The following MLLT10 variants were observed in gnomAD, a reference collection of about 807,000 sequenced individuals.
The protein encoded by MLLT10 is protein AF-10.
Under a neutral mutation model 129.1 loss-of-function variants are expected in MLLT10, and 30 were observed. That is an observed-to-expected ratio of 0.23 (90% confidence interval 0.17 to 0.32). The LOEUF (loss-of-function observed/expected upper bound fraction) is 0.32. MLLT10 is among the 10% of genes least tolerant of loss of function. MLLT10 has a pLI of 1.00. For synonymous variants in MLLT10, 490 were observed against 446.4 expected, an observed-to-expected ratio of 1.10 and a Z score of -1.23; for missense variants, 1,119 against 1,268.3, an observed-to-expected ratio of 0.88 and a Z score of 1.79.
chr10:21,600,666 T>G lies in MLLT10; in HGVS notation c.405+5226T>G, dbSNP rs569125599. On this transcript the variant is annotated intron_variant, in intron 5 of 22. Transcript: ENST00000307729. ...CTAGTTACTTAGGTGAGTGCTTAAA[T>G]TGATTTTTCTTTTCTGGAAAATTGA... 2.6e-4 allele frequency among the ~76,000 whole-genome samples: 39 copies of G among 152,334 alleles called. 1 individual carries two copies. The South Asian group carries it at 7.9e-3, about 31-fold the overall frequency.
intron 14 of MLLT10, among the ~76,000 whole-genome samples, chr10:21,716,979 G>A (rs1203338778): frequency 4.0e-5 from 6 of 151,778 alleles, no homozygotes; most frequent in Non-Finnish European, 8.8e-5. Context: ...TCCCTGGGCC[G>A]GGCGCAGTGG....
intron 9 of MLLT10, 85 bp from the exon 10 acceptor site, chr10:21,670,364 C>G: frequency 4.6e-6 from 6 of 1,293,796 alleles, no homozygotes; most frequent in Non-Finnish European, 6.2e-6. Flanking sequence ...TCTGCAAGTT[C>G]TTCTTATTAA....
At chr10:21,568,108 G>A (rs1462156682) in intron 3 of MLLT10, among the ~76,000 whole-genome samples, 5 of 152,252 alleles carry the variant, frequency 3.3e-5, no homozygotes, top group African/African-American at 7.2e-5. Context: ...ATGAGCCACC[G>A]CACCCGGCCT....
At chr10:21,694,240 A>G (rs2054152473) in intron 13 of MLLT10, among the ~76,000 whole-genome samples, 1 of 152,222 alleles carries the variant, frequency 6.6e-6, no homozygotes, top group Non-Finnish European at 1.5e-5. Context: ...ACACTGCTAT[A>G]TTACTACCAT....
chr10:21,691,637 G>C (rs1467754164), intron 13 of MLLT10, among the ~76,000 whole-genome samples: 2 of 151,878 alleles, frequency 1.3e-5, no homozygotes, highest in Non-Finnish European at 2.9e-5. Flanking sequence ...ACTGTAGAGA[G>C]AAAACAAATC....
chr10:21,663,262 A>G (rs1331550540), intron 9 of MLLT10, among the ~76,000 whole-genome samples: 2 of 152,172 alleles, frequency 1.3e-5, no homozygotes, highest in Non-Finnish European at 2.9e-5. Context: ...TGCCTCCAGC[A>G]GTATCAACTA....
intron 21 of MLLT10, chr10:21,738,562 T>G: frequency 7.9e-7 from 1 of 1,268,428 alleles, no homozygotes; most frequent in Non-Finnish European, 1.0e-6. Flanking sequence ...TTAACGTAGG[T>G]GAGGATTTTT....
At chr10:21,659,421 C>A (rs1402145548) in intron 9 of MLLT10, among the ~76,000 whole-genome samples, 1 of 151,824 alleles carries the variant, frequency 6.6e-6, no homozygotes, top group Non-Finnish European at 1.5e-5. Flanking sequence ...AACGTAAAAA[C>A]CAAAGGAAAA....
At chr10:21,716,783 G>A (rs1371807851) in intron 14 of MLLT10, among the ~76,000 whole-genome samples, 1 of 152,010 alleles carries the variant, frequency 6.6e-6, no homozygotes, top group African/African-American at 2.4e-5. Context: ...TAATAATAGT[G>A]ATAGATGATG....
At chr10:21,612,017 A>G (rs1238846848) in intron 5 of MLLT10, among the ~76,000 whole-genome samples, 1 of 152,214 alleles carries the variant, frequency 6.6e-6, no homozygotes. Flanking sequence ...AGTCTTGATG[A>G]CAAGGTGTTG....
At chr10:21,686,900 T>C (rs1053308503) in intron 13 of MLLT10, among the ~76,000 whole-genome samples, 2 of 152,112 alleles carry the variant, frequency 1.3e-5, no homozygotes, top group Non-Finnish European at 2.9e-5. Flanking sequence ...GGAGAATTGC[T>C]TGAACCCAGG....
intron 13 of MLLT10, among the ~76,000 whole-genome samples, chr10:21,689,622 C>T (rs1482424653): frequency 2.9e-5 from 4 of 138,302 alleles, no homozygotes; most frequent in East Asian, 2.2e-4. Flanking sequence ...TATATATACA[C>T]ACACACACAC....
rs368219548 is a variant in MLLT10 at position 21,708,890 on chromosome 10, C to T, written c.1700-4882C>T. Among the ~76,000 whole-genome samples the T allele has an allele frequency of 5.9e-5, 9 of 152,160 alleles. No homozygotes were observed. In the East Asian group the frequency reaches 1.4e-3, roughly 23 times the overall value. On this transcript the variant is annotated intron_variant, in intron 13 of 22. Coordinates refer to ENST00000307729, the MANE Select transcript of MLLT10 (RefSeq NM_001195626.3). ...ATGAAAGCATTAACACCAAAATGGC[C>T]GTAGCTACCATTTATTAAAACTTAC...
At chr10:21,538,682 G>T (rs752240265) in intron 2 of MLLT10, 151 bp from the exon 3 acceptor site, 15 of 543,058 alleles carry the variant, frequency 2.8e-5, no homozygotes, top group Non-Finnish European at 4.6e-5. Flanking sequence ...AGCTGTATAT[G>T]TGATAAATAG....
chr10:21,565,524 G>T (rs1232121112), intron 3 of MLLT10, among the ~76,000 whole-genome samples: 1 of 151,354 alleles, frequency 6.6e-6, no homozygotes, highest in East Asian at 1.9e-4. Flanking sequence ...GACCAAGCTG[G>T]TCTCGAGCTG....
intron 13 of MLLT10, among the ~76,000 whole-genome samples, chr10:21,691,532 A>T (rs1479208009): frequency 1.3e-5 from 2 of 152,160 alleles, no homozygotes; most frequent in Non-Finnish European, 2.9e-5. Context: ...GTGTATCTGA[A>T]AGCTTATAGC....
At chr10:21,565,184 A>G (rs1389758555) in intron 3 of MLLT10, among the ~76,000 whole-genome samples, 1 of 151,904 alleles carries the variant, frequency 6.6e-6, no homozygotes. Context: ...ATGTTAATAT[A>G]GTCACTCCAG....
chr10:21,627,120 TACTC>T (rs1162936038), intron 8 of MLLT10, among the ~76,000 whole-genome samples: 1 of 152,160 alleles, frequency 6.6e-6, no homozygotes, highest in Non-Finnish European at 1.5e-5. Context: ...AATGCTGTAC[TACTC>T]ACTCATTCCA....
chr10:21,557,193 CTGTGTTGT>C (rs2038144673), intron 3 of MLLT10: 1 of 1,280,838 alleles, frequency 7.8e-7, no homozygotes, highest in Admixed American at 3.9e-5. Flanking sequence ...CAAATGCCTA[CTGTGTTGT>C]TATTTTTCCC....
Sources: allele counts gnomAD v4.1 joint callset (sites outside exome capture counted in the v4.1 genomes callset), GRCh38; gene constraint gnomAD v4.1.1; transcripts MANE v1.5; gene names NCBI Gene and HGNC (gene_info 2026-07-23, HGNC 2026-07-21).